CPEB3: variants seen among roughly 807,000 people sequenced by gnomAD.
CPEB3 encodes cytoplasmic polyadenylation element binding protein 3.
CPEB3 carries 20 observed loss-of-function variants against 67.2 expected under a neutral mutation model. The ratio of observed to expected loss-of-function variants is 0.30; its 90% confidence interval spans 0.21 to 0.43. The LOEUF (loss-of-function observed/expected upper bound fraction) is 0.43, where lower values mean the gene tolerates loss of function less well. Among genes scored for constraint, CPEB3 ranks in the 20% least tolerant of loss-of-function variants. The pLI, the probability that CPEB3 is intolerant of heterozygous loss-of-function variation, is 1.00. For synonymous variants in CPEB3, 376 were observed against 393.1 expected (o/e 0.96, Z 0.51); for missense variants, 746 against 968.6 (o/e 0.77, Z 3.05).
chr10:92,121,147 T>C (rs200747575), intron 6 of CPEB3, among the ~76,000 whole-genome samples: 1 of 151,892 alleles, frequency 6.6e-6, no homozygotes, highest in African/African-American at 2.4e-5. Flanking sequence ...TAGCTGGGAC[T>C]ACAGGCACGT....
chr10:92,180,382 T>C (rs1233935853), intron 4 of CPEB3, among the ~76,000 whole-genome samples: 1 of 152,210 alleles, frequency 6.6e-6, no homozygotes, highest in African/African-American at 2.4e-5. Context: ...AATAAGTTGA[T>C]TTATTCATTC....
intron 3 of CPEB3, among the ~76,000 whole-genome samples, chr10:92,191,701 T>C (rs1848993985): frequency 6.6e-6 from 1 of 152,192 alleles, no homozygotes; most frequent in Non-Finnish European, 1.5e-5. Context: ...CTTCACAGTT[T>C]TCGGAAATTT....
At chr10:92,211,458 T>A (rs1850078631) in intron 2 of CPEB3, among the ~76,000 whole-genome samples, 1 of 151,852 alleles carries the variant, frequency 6.6e-6, no homozygotes. Context: ...AGATAAACTG[T>A]GCCAAATCAT....
chr10:92,103,519 T>C (rs1213761220), intron 7 of CPEB3, among the ~76,000 whole-genome samples: 3 of 152,200 alleles, frequency 2.0e-5, no homozygotes, highest in Non-Finnish European at 4.4e-5. Context: ...TCTACTACAA[T>C]CATGTTGTGT....
intron 1 of CPEB3, among the ~76,000 whole-genome samples, chr10:92,276,217 T>C (rs925370487): frequency 6.6e-6 from 1 of 152,086 alleles, no homozygotes; most frequent in Non-Finnish European, 1.5e-5. Context: ...CATCAGTTGA[T>C]GGACAATTGG....
intron 8 of CPEB3, among the ~76,000 whole-genome samples, chr10:92,086,881 T>A (rs1377143745): frequency 6.6e-6 from 1 of 152,134 alleles, no homozygotes; most frequent in Non-Finnish European, 1.5e-5. Context: ...CACAAACACA[T>A]ACTAACATTA....
intron 6 of CPEB3, among the ~76,000 whole-genome samples, chr10:92,129,445 T>C (rs982870381): frequency 6.6e-6 from 1 of 152,078 alleles, no homozygotes; most frequent in African/African-American, 2.4e-5. Context: ...CAAACCCCTA[T>C]GACCTACATA....
chr10:92,230,120 G>C (rs146694680), intron 2 of CPEB3, among the ~76,000 whole-genome samples: 1 of 152,098 alleles, frequency 6.6e-6, no homozygotes, highest in Admixed American at 6.6e-5. Context: ...AAAGATAAAG[G>C]ACAAAATTAT....
At chr10:92,180,860 C>A in intron 4 of CPEB3, 103 bp downstream of exon 4, 7 of 743,254 alleles carry the variant, frequency 9.4e-6, no homozygotes, top group Non-Finnish European at 1.7e-5. Flanking sequence ...GTCTATACTC[C>A]TTTCAGCGGA....
At chr10:92,258,901 G>A (rs962922526) in intron 1 of CPEB3, among the ~76,000 whole-genome samples, 13 of 148,870 alleles carry the variant, frequency 8.7e-5, no homozygotes, top group Admixed American at 7.4e-4. Context: ...CTCATGATTC[G>A]CCTGCCTCAG....
chr10:92,132,266 G>A (rs1459921764), intron 6 of CPEB3, among the ~76,000 whole-genome samples: 1 of 152,008 alleles, frequency 6.6e-6, no homozygotes, highest in Admixed American at 6.6e-5. Context: ...AAATCGATGA[G>A]GAAAAAATTG....
At chr10:92,274,398 TTTAAG>T (rs1453060167) in intron 1 of CPEB3, among the ~76,000 whole-genome samples, 7 of 152,210 alleles carry the variant, frequency 4.6e-5, no homozygotes, top group East Asian at 1.9e-4. Flanking sequence ...TCTTGCCCAC[TTTAAG>T]TTATTACTTA....
chr10:92,239,630 T>TGGACGAGGC lies in CPEB3; in HGVS notation c.712_720dup (p.Ala238_Ser240dup). The TGGACGAGGC allele has an allele frequency of 6.4e-7, 1 of 1,559,482 alleles. No homozygotes were observed. Among genetic ancestry groups the TGGACGAGGC allele is most frequent in the African/African-American group, 1.4e-5 (1 of 73,706 alleles). ...TTCACGCTTTGGTGCGTGTTCCAGC[T>TGGACGAGGC]GGACGAGGCCGACGAGGCGGCGGCT... On this transcript the variant is annotated inframe_insertion, in exon 2 of 10. Coordinates refer to ENST00000265997, the MANE Select transcript of CPEB3 (RefSeq NM_014912.5). The surrounding 1 kb of genome is among the most constrained non-coding windows in gnomAD (Gnocchi z 6.0).
chr10:92,284,749 T>C (rs1842453769), intron 1 of CPEB3, among the ~76,000 whole-genome samples: 1 of 152,204 alleles, frequency 6.6e-6, no homozygotes, highest in African/African-American at 2.4e-5. Context: ...ATCCTTCTCA[T>C]AATAAACTAT....
At chr10:92,077,272 G>T (rs1032657992) in intron 9 of CPEB3, among the ~76,000 whole-genome samples, 1 of 152,182 alleles carries the variant, frequency 6.6e-6, no homozygotes, top group Admixed American at 6.5e-5. Context: ...ATGTACCTAT[G>T]AAAGGTGTAG....
chr10:92,115,475 AAGTAAT>A (rs1844973513), intron 6 of CPEB3, among the ~76,000 whole-genome samples: 1 of 152,212 alleles, frequency 6.6e-6, no homozygotes, highest in East Asian at 1.9e-4. Flanking sequence ...ATATTCCCTG[AAGTAAT>A]ACAGGGCCTT....
At position 92,289,266 on chromosome 10, in the gene CPEB3, G is replaced by A. The variant is rs369431055; in HGVS notation, c.-12+1660C>T. 1.1e-4 allele frequency among the ~76,000 whole-genome samples: 17 copies of A among 151,774 alleles called. No individual in the cohort carries two copies. In the East Asian group the frequency reaches 1.6e-3, roughly 14 times the overall value. Reference sequence around the variant, plus strand: ...CAAAAAAATAAAATAGACCAGGCGCGGTGGCTCGCCCCTGTAATCCCAGCA... The same window carrying A: ...CAAAAAAATAAAATAGACCAGGCGCAGTGGCTCGCCCCTGTAATCCCAGCA... On this transcript the variant is annotated intron_variant, in intron 1 of 9. Transcript: ENST00000265997.
intron 6 of CPEB3, chr10:92,138,232 G>C: frequency 4.5e-6 from 1 of 222,742 alleles, no homozygotes; most frequent in Non-Finnish European, 9.5e-6. Context: ...CCACAGAATT[G>C]GTCGAGGTGG....
chr10:92,134,502 T>G (rs564241372), intron 6 of CPEB3, among the ~76,000 whole-genome samples: 5 of 151,574 alleles, frequency 3.3e-5, no homozygotes, highest in Non-Finnish European at 7.4e-5. Flanking sequence ...CACTGCTCAA[T>G]GAAATAAAAG....
Sources: gnomAD v4.1 joint callset for allele counts (sites outside exome capture counted in the v4.1 genomes callset) on GRCh38, gnomAD v4.1.1 for gene constraint, Gnocchi (gnomAD v3.1) non-coding constraint, MANE v1.5 for transcripts, NCBI Gene and HGNC (gene_info 2026-07-23, HGNC 2026-07-21) for gene names.